PCCB: variants seen among roughly 807,000 people sequenced by gnomAD.
PCCB encodes propionyl-CoA carboxylase subunit beta, also known as propionyl-CoA carboxylase beta chain, mitochondrial.
PCCB carries 43 observed loss-of-function variants against 60.7 expected under a neutral mutation model. The ratio of observed to expected loss-of-function variants is 0.71; its 90% CI spans 0.55 to 0.91. The LOEUF (loss-of-function observed/expected upper bound fraction) is 0.91. Ranked by LOEUF, PCCB falls within the 40% of genes least tolerant of loss-of-function variation. The pLI is 0.00. For missense variants in PCCB, 766 were observed against 702.8 expected (o/e 1.09, Z -1.02); for synonymous variants, 276 against 255.9 (o/e 1.08, Z -0.75).
Position 136,293,744 on chromosome 3 carries a change from C to G in PCCB, c.655-12C>G. On this transcript the variant is annotated splice_polypyrimidine_tract_variant and intron_variant, in intron 6 of 14. Coordinates refer to ENST00000251654, the MANE Select transcript of PCCB (RefSeq NM_000532.5). ...CTCTGAGGTTGACTGTTCTGGAAAT[C>G]TTTTATTTCAGGACACCTCCTACCT... 1.3e-6 allele frequency: 2 copies of G among 1,559,758 alleles called. No homozygotes were observed. The highest frequency in any genetic ancestry group is 4.5e-5 in the East Asian group (2 of 44,616).
chr3:136,313,999 C>A (rs1934775913), intron 9 of PCCB, among the ~76,000 whole-genome samples: 1 of 151,928 alleles, frequency 6.6e-6, no homozygotes, highest in Non-Finnish European at 1.5e-5. Flanking sequence ...CATGGTTTTT[C>A]ATATAGCTGG....
Position 136,263,276 on chromosome 3 carries a change from T to C in PCCB, c.543+1211T>C, listed in dbSNP as rs563307429. ...CTGGTTTTTTTTTTTTTTTTTAATA[T>C]TTATTTATTTAGAGACAGTGTCTTG... On this transcript the variant is annotated intron_variant, in intron 5 of 14. Coordinates refer to ENST00000251654, the MANE Select transcript of PCCB (RefSeq NM_000532.5). Among the ~76,000 whole-genome samples the C allele has an allele frequency of 1.5e-4, 18 of 123,662 alleles. No homozygotes were observed. The South Asian group carries it at 4.2e-3, about 29-fold the overall frequency. 81.1% of individuals were successfully genotyped at this position (123,662 alleles called of 152,430 possible).
chr3:136,280,491 A>G (rs778000352), intron 5 of PCCB, among the ~76,000 whole-genome samples: 2 of 152,058 alleles, frequency 1.3e-5, no homozygotes, highest in Non-Finnish European at 2.9e-5. Flanking sequence ...GGCCATAGGC[A>G]TGCACCACCA....
chr3:136,288,600 T>A (rs937158683), intron 6 of PCCB, among the ~76,000 whole-genome samples: 1 of 151,588 alleles, frequency 6.6e-6, no homozygotes, highest in African/African-American at 2.4e-5. Flanking sequence ...TCGTCCTCCC[T>A]CCCAAAGTGC....
intron 10 of PCCB, among the ~76,000 whole-genome samples, chr3:136,325,043 C>A (rs1301690875): frequency 1.3e-5 from 2 of 152,156 alleles, no homozygotes; most frequent in African/African-American, 4.8e-5. Context: ...CAGGTGTGCA[C>A]CACGCTCGGC....
intron 8 of PCCB, 139 bp downstream of exon 8, chr3:136,298,211 T>C: frequency 1.0e-6 from 1 of 1,002,170 alleles, no homozygotes; most frequent in South Asian, 1.3e-5. Flanking sequence ...GTGGGGATGA[T>C]GTCATGTTTG....
chr3:136,280,686 G>C (rs1942452290), intron 5 of PCCB, among the ~76,000 whole-genome samples: 1 of 152,070 alleles, frequency 6.6e-6, no homozygotes, highest in Admixed American at 6.5e-5. Flanking sequence ...TTAGACACAG[G>C]GTCTTGCTGT....
intron 10 of PCCB, among the ~76,000 whole-genome samples, chr3:136,318,804 T>C (rs551301598): frequency 1.3e-5 from 2 of 152,240 alleles, no homozygotes; most frequent in Non-Finnish European, 2.9e-5. Flanking sequence ...TTTTGATTGA[T>C]TGTCCATTTG....
intron 6 of PCCB, among the ~76,000 whole-genome samples, chr3:136,288,971 T>G (rs1008611033): frequency 1.3e-5 from 2 of 151,992 alleles, no homozygotes; most frequent in Admixed American, 1.3e-4. Context: ...CCTGGCCAAT[T>G]TTTTTATTTT....
Position 136,294,076 on chromosome 3 carries a change from G to A in PCCB, c.763+212G>A, listed in dbSNP as rs373255544. ...GTATATAAAATTTATTAAATAACAC[G>A]CTATTAGTAATGCTTGGTTATTCTT... On this transcript the variant is annotated intron_variant, in intron 7 of 14. Coordinates refer to ENST00000251654, the MANE Select transcript of PCCB (RefSeq NM_000532.5). 8.3e-4 allele frequency among the ~76,000 whole-genome samples: 126 copies of A among 152,244 alleles called. 5 individuals are homozygous for A. The South Asian group carries it at 0.025, about 30-fold the overall frequency.
chr3:136,276,619 G>T (rs1942337280), intron 5 of PCCB, among the ~76,000 whole-genome samples: 1 of 152,180 alleles, frequency 6.6e-6, no homozygotes, highest in South Asian at 2.1e-4. Context: ...TGGAGATGCA[G>T]TCACTCTGTA....
intron 5 of PCCB, 29 bp from the exon 6 acceptor site, chr3:136,283,808 C>T (rs765894925): frequency 3.5e-6 from 5 of 1,413,160 alleles, no homozygotes; most frequent in Non-Finnish European, 4.0e-6. Context: ...TCTCTGTAAC[C>T]AGATGCTTTT....
At chr3:136,286,995 C>T (rs765545436) in intron 6 of PCCB, among the ~76,000 whole-genome samples, 6 of 150,796 alleles carry the variant, frequency 4.0e-5, no homozygotes, top group East Asian at 3.9e-4. Context: ...CGCGCCACTG[C>T]ACTCCAGCCT....
At chr3:136,321,074 A>G (rs1333365498) in intron 10 of PCCB, among the ~76,000 whole-genome samples, 1 of 152,148 alleles carries the variant, frequency 6.6e-6, no homozygotes, top group Admixed American at 6.5e-5. Context: ...AATTGAGATG[A>G]TCATGTGGTT....
chr3:136,313,336 G>A (rs1934743647), intron 9 of PCCB, among the ~76,000 whole-genome samples: 1 of 152,158 alleles, frequency 6.6e-6, no homozygotes, highest in Non-Finnish European at 1.5e-5. Flanking sequence ...AATAATGTAA[G>A]CCACGTGTAG....
At chr3:136,295,233 G>C (rs1251628772) in intron 7 of PCCB, among the ~76,000 whole-genome samples, 1 of 152,210 alleles carries the variant, frequency 6.6e-6, no homozygotes, top group Non-Finnish European at 1.5e-5. Context: ...GCACCTCATT[G>C]TACTGTGGTT....
rs796052024 is a variant in PCCB, at chr3:136,283,856, G to C, written c.563G>C (p.Gly188Ala). ...DIFLRNVTAS[G>A]VIPQISLIMG... ...TGGCAGAGGAATGTTACGGCATCCGGAGTCATCCCTCAGATTTCTCTGATC... is the reference window on the plus strand; with the variant it reads ...TGGCAGAGGAATGTTACGGCATCCGCAGTCATCCCTCAGATTTCTCTGATC... The change falls in exon 6 of 15, where the codon GGA (glycine) becomes GCA (alanine). Residue 188 changes from glycine to alanine, a missense_variant. Gly to Ala is a moderately conservative substitution (Grantham distance 60). Transcript: ENST00000251654. The C allele has an allele frequency of 1.9e-6, 3 of 1,613,200 alleles. No homozygotes were observed. The highest frequency in any genetic ancestry group is 2.2e-5 in the South Asian group (2 of 91,058).
At chr3:136,309,121 G>A (rs1205769899) in intron 9 of PCCB, among the ~76,000 whole-genome samples, 1 of 151,962 alleles carries the variant, frequency 6.6e-6, no homozygotes, top group Non-Finnish European at 1.5e-5. Context: ...AAATTAGCTA[G>A]GCATGGCGGC....
intron 8 of PCCB, among the ~76,000 whole-genome samples, chr3:136,299,730 G>A (rs1418989289): frequency 3.4e-5 from 5 of 149,136 alleles, no homozygotes; most frequent in Admixed American, 2.7e-4. Context: ...GTATGTATAT[G>A]CATGTGTATG....
Sources: allele counts gnomAD v4.1 joint callset (sites outside exome capture counted in the v4.1 genomes callset), GRCh38; gene constraint gnomAD v4.1.1; transcripts MANE v1.5; gene names NCBI Gene and HGNC (gene_info 2026-07-23, HGNC 2026-07-21).